MSI2: variants seen among roughly 807,000 people sequenced by gnomAD.
MSI2 encodes RNA-binding protein Musashi homolog 2.
MSI2 carries 17 observed loss-of-function variants against 45.6 expected under a neutral mutation model. The ratio of observed to expected loss-of-function variants is 0.37; its 90% CI spans 0.26 to 0.56. The LOEUF is 0.56. Ranked by LOEUF, MSI2 falls within the 20% of genes least tolerant of loss-of-function variation. The pLI is 0.77. For synonymous variants in MSI2, 156 were observed against 158.2 expected, an observed-to-expected ratio of 0.99 and a Z score of 0.11; for missense variants, 293 against 444.2, an observed-to-expected ratio of 0.66 and a Z score of 3.06.
chr17:57,339,033 T>C (rs1914911966), intron 5 of MSI2, among the ~76,000 whole-genome samples: 1 of 152,224 alleles, frequency 6.6e-6, no homozygotes, highest in Admixed American at 6.5e-5. Context: ...ATCAGACTTT[T>C]CTTTCTCTTT....
At chr17:57,335,305 A>C (rs1914619220) in intron 5 of MSI2, among the ~76,000 whole-genome samples, 1 of 152,244 alleles carries the variant, frequency 6.6e-6, no homozygotes, top group African/African-American at 2.4e-5. Flanking sequence ...CCTGCCTTGC[A>C]GTCCTCAAGA....
intron 6 of MSI2, among the ~76,000 whole-genome samples, chr17:57,428,382 C>T (rs2084533232): frequency 6.6e-6 from 1 of 151,904 alleles, no homozygotes; most frequent in Admixed American, 6.5e-5. Flanking sequence ...GCCACCCCAC[C>T]TGGCCTTTAT....
intron 5 of MSI2, among the ~76,000 whole-genome samples, chr17:57,306,488 A>G (rs11079289): frequency 0.69 from 104,162 of 151,964 alleles, 37,619 homozygotes; most frequent in Middle Eastern, 0.82. Flanking sequence ...CCCTCTCCCC[A>G]GTGTAGATTC....
At chr17:57,409,825 G>A (rs188774224) in intron 6 of MSI2, among the ~76,000 whole-genome samples, 238 of 152,046 alleles carry the variant, frequency 1.6e-3, no homozygotes, top group South Asian at 8.3e-4. Flanking sequence ...TGGCCAACAT[G>A]GTGAAACCCT....
chr17:57,627,899 G>T lies in MSI2; in HGVS notation c.727+596G>T, dbSNP rs1908961554. The T allele has an allele frequency of 6.5e-6, 1 of 153,888 alleles. No homozygotes were observed. Among genetic ancestry groups the T allele is most frequent in the Admixed American group, 6.4e-5 (1 of 15,582 alleles). The allele number at this position is 153,888 out of a possible 1,614,324, so 9.5% of individuals were successfully genotyped here. On this transcript the variant is annotated intron_variant, in intron 10 of 13. Coordinates refer to ENST00000284073, the MANE Select transcript of MSI2 (RefSeq NM_138962.4). This position sits in a 1 kb window ranked among gnomAD's most constrained non-coding sequence, Gnocchi z 4.6. Reference sequence around the variant, plus strand: ...TATCAAGACTTGAGGCAGAGCCCATGGTGATGCCCGCCACATGCCAGGGCT... The same window carrying T: ...TATCAAGACTTGAGGCAGAGCCCATTGTGATGCCCGCCACATGCCAGGGCT...
In MSI2 at chr17:57,673,558, G is replaced by A. The variant is rs1386712561; in HGVS notation, c.791-1414G>A. 2.0e-5 allele frequency among the ~76,000 whole-genome samples: 3 copies of A among 152,160 alleles called. No homozygotes were observed. In the East Asian group the frequency reaches 5.8e-4, roughly 29 times the overall value. On this transcript the variant is annotated intron_variant, in intron 11 of 13. Coordinates refer to ENST00000284073, the MANE Select transcript of MSI2 (RefSeq NM_138962.4). Reference sequence around the variant, plus strand: ...GACTCACCTTGAGGCTTAAAAATCAGTAAGAACTTCCTTTAACAATTAAAA... The same window carrying A: ...GACTCACCTTGAGGCTTAAAAATCAATAAGAACTTCCTTTAACAATTAAAA...
At chr17:57,630,018 T>G (rs1261327381) in intron 10 of MSI2, 2 of 152,270 alleles carry the variant, frequency 1.3e-5, no homozygotes, top group African/African-American at 4.8e-5. Context: ...CCCCATGAGC[T>G]GGCTCAGGAG....
intron 7 of MSI2, among the ~76,000 whole-genome samples, chr17:57,569,916 G>A (rs2087831136): frequency 6.6e-6 from 1 of 152,170 alleles, no homozygotes; most frequent in Admixed American, 6.5e-5. Context: ...CTGGGCCTCT[G>A]AGTGCATCTG....
At position 57,454,239 on chromosome 17, in the gene MSI2, G is replaced by A. The variant is rs564354133; in HGVS notation, c.405+52768G>A. On this transcript the variant is annotated intron_variant, in intron 6 of 13. Coordinates refer to ENST00000284073, the MANE Select transcript of MSI2 (RefSeq NM_138962.4). ...CTTTGGCAGCCCCCAAAACCACCAGGAACTGTGGATAGTGAGAGGCCCACC... is the reference window on the plus strand; with the variant it reads ...CTTTGGCAGCCCCCAAAACCACCAGAAACTGTGGATAGTGAGAGGCCCACC... Among the ~76,000 whole-genome samples the A allele has an allele frequency of 4.6e-5, 7 of 152,258 alleles. No individual in the cohort carries two copies. The South Asian group carries it at 1.0e-3, about 23-fold the overall frequency.
At chr17:57,483,123 T>C (rs2085680616) in intron 6 of MSI2, among the ~76,000 whole-genome samples, 2 of 152,198 alleles carry the variant, frequency 1.3e-5, no homozygotes, top group Non-Finnish European at 2.9e-5. Context: ...TGATAATAAG[T>C]ATTAGTGTTG....
At chr17:57,332,519 G>A (rs1914355911) in intron 5 of MSI2, among the ~76,000 whole-genome samples, 1 of 152,184 alleles carries the variant, frequency 6.6e-6, no homozygotes, top group African/African-American at 2.4e-5. Context: ...ATGATTTTCT[G>A]TAATTGTAAT....
At chr17:57,366,164 C>G (rs560184626) in intron 5 of MSI2, among the ~76,000 whole-genome samples, 1 of 152,182 alleles carries the variant, frequency 6.6e-6, no homozygotes, top group Non-Finnish European at 1.5e-5. Flanking sequence ...CCACCCGTTT[C>G]GGCCTCCCAA....
In MSI2 at chr17:57,394,001, C is replaced by A. The variant is rs549473747; in HGVS notation, c.313-7378C>A. On this transcript the variant is annotated intron_variant, in intron 5 of 13. Transcript: ENST00000284073. ...CCAGCCTGGTAACACTATGTTTAAT[C>A]ATTTGTGGAGTTGACAGACAACGCT... Among the ~76,000 whole-genome samples, 3 of 152,166 alleles carry A rather than the reference C, an allele frequency of 2.0e-5. No homozygotes were observed. The South Asian group carries it at 6.2e-4, about 32-fold the overall frequency.
At chr17:57,309,512 A>C (rs1265304089) in intron 5 of MSI2, among the ~76,000 whole-genome samples, 1 of 152,226 alleles carries the variant, frequency 6.6e-6, no homozygotes, top group Non-Finnish European at 1.5e-5. Flanking sequence ...TAAAACATGA[A>C]TATATTGGGG....
intron 6 of MSI2, among the ~76,000 whole-genome samples, chr17:57,512,935 G>A (rs1252254880): frequency 6.8e-6 from 1 of 146,784 alleles, no homozygotes; most frequent in Non-Finnish European, 1.5e-5. Context: ...TTCTTCTTAT[G>A]TGCCAGAATA....
At chr17:57,496,494 G>A (rs2085982038) in intron 6 of MSI2, among the ~76,000 whole-genome samples, 1 of 152,220 alleles carries the variant, frequency 6.6e-6, no homozygotes, top group Admixed American at 6.5e-5. Flanking sequence ...ACCTTCCAGA[G>A]CCTAATTGTT....
chr17:57,260,564 A>T (rs1193517200), intron 4 of MSI2, among the ~76,000 whole-genome samples: 1 of 152,198 alleles, frequency 6.6e-6, no homozygotes, highest in Non-Finnish European at 1.5e-5. Flanking sequence ...CGTCAACAGA[A>T]TGGAAAATCC....
At chr17:57,401,310 C>A in intron 5 of MSI2, 69 bp from the exon 6 acceptor site, 1 of 1,283,750 alleles carries the variant, frequency 7.8e-7, no homozygotes, top group Non-Finnish European at 1.1e-6. Context: ...CAGATTGTTT[C>A]AGCAGCCTCT....
Position 57,536,206 on chromosome 17 carries a change from T to A in MSI2, c.454+6482T>A, listed in dbSNP as rs184105281. Among the ~76,000 whole-genome samples, 321 of 152,366 alleles carry A rather than the reference T, an allele frequency of 2.1e-3. 2 individuals carry two copies. Among genetic ancestry groups the A allele is most frequent in the African/African-American group, 7.2e-3 (298 of 41,578 alleles). On this transcript the variant is annotated intron_variant, in intron 7 of 13. Coordinates refer to ENST00000284073, the MANE Select transcript of MSI2 (RefSeq NM_138962.4). ...TGGGATGTCAGACATAATGTATGCA[T>A]GTCCTTCCTAATGAGAGTCTAACAT...
Sources: allele counts gnomAD v4.1 joint callset (sites outside exome capture counted in the v4.1 genomes callset), GRCh38; gene constraint gnomAD v4.1.1; non-coding constraint Gnocchi (gnomAD v3.1); transcripts MANE v1.5; gene names NCBI Gene and HGNC (gene_info 2026-07-23, HGNC 2026-07-21).